GSE1: variants seen among roughly 807,000 people sequenced by gnomAD.
The protein encoded by GSE1 is genetic suppressor element 1.
A neutral mutation model predicts 112.6 loss-of-function variants in GSE1; 32 were observed. That is an observed-to-expected ratio of 0.28 (90% CI 0.21 to 0.38). GSE1 has a LOEUF of 0.38. Ranked by LOEUF, GSE1 falls within the 10% of genes least tolerant of loss-of-function variation. The pLI is 1.00. For missense variants in GSE1, 2,348 were observed against 1,699.2 expected (o/e 1.38, Z -6.71); for synonymous variants, 1,115 against 735.6 (o/e 1.52, Z -8.35).
chr16:85,439,650 G>T (rs1428771332), intron 2 of GSE1, among the ~76,000 whole-genome samples: 2 of 152,258 alleles, frequency 1.3e-5, no homozygotes, highest in East Asian at 3.9e-4. Flanking sequence ...GCCTCGCCTG[G>T]TGAAGACACT....
intron 2 of GSE1, among the ~76,000 whole-genome samples, chr16:85,440,669 C>A (rs1361398460): frequency 1.3e-5 from 2 of 152,234 alleles, no homozygotes; most frequent in Non-Finnish European, 2.9e-5. Flanking sequence ...TCATTCCCTG[C>A]AGCTTTTACT....
chr16:85,605,791 G>A lies in GSE1; in HGVS notation c.38-42761G>A, dbSNP rs149457891. On this transcript the variant is annotated intron_variant, in intron 1 of 2. Coordinates refer to the GSE1 transcript ENST00000635906. ...GTAAGTGGTAGAGAGGGTGCTGCCC[G>A]TAGCGAGCCGGATAAACTGAAGACC... 5.3e-3 allele frequency among the ~76,000 whole-genome samples: 812 copies of A among 152,110 alleles called. 12 individuals carry two copies. The highest frequency in any genetic ancestry group is 0.015 in the African/African-American group (612 of 41,378).
intron 2 of GSE1, among the ~76,000 whole-genome samples, chr16:85,377,006 C>T (rs945766648): frequency 1.3e-5 from 2 of 152,202 alleles, no homozygotes; most frequent in Non-Finnish European, 2.9e-5. Context: ...GTGTGAGTGA[C>T]CCAGGCCTGC....
chr16:85,294,519 T>C (rs999324094), intron 1 of GSE1, among the ~76,000 whole-genome samples: 1 of 152,096 alleles, frequency 6.6e-6, no homozygotes, highest in African/African-American at 2.4e-5. Flanking sequence ...TTGCCTCATG[T>C]TGGTGCCTGA....
chr16:85,443,836 T>C (rs1267956486), intron 2 of GSE1, among the ~76,000 whole-genome samples: 1 of 151,760 alleles, frequency 6.6e-6, no homozygotes, highest in Non-Finnish European at 1.5e-5. Context: ...GAGCTTCAGC[T>C]CCCAGCCCAG....
At chr16:85,485,756 T>A (rs2050815156) in intron 2 of GSE1, among the ~76,000 whole-genome samples, 1 of 152,274 alleles carries the variant, frequency 6.6e-6, no homozygotes, top group Admixed American at 6.5e-5. Flanking sequence ...GCCTCGCTCC[T>A]GGGGAGCCTG....
At chr16:85,259,266 GCCCTGTGCTCCACCCTGGCCCA>G (rs11274739) in intron 1 of GSE1, among the ~76,000 whole-genome samples, 44,209 of 149,600 alleles carry the variant, frequency 0.3, 7,002 homozygotes, top group African/African-American at 0.35. Context: ...CCCCCGTCCT[GCCCTGTGCTCCACCCTGGCCCA>G]CCCTGTGCTC....
At chr16:85,358,765 C>T (rs2151574540) in intron 2 of GSE1, among the ~76,000 whole-genome samples, 1 of 152,288 alleles carries the variant, frequency 6.6e-6, no homozygotes, top group Non-Finnish European at 1.5e-5. Flanking sequence ...CGGTTGAGGT[C>T]AGGGTGGTCA....
At chr16:85,275,724 G>A (rs1013371750) in intron 1 of GSE1, among the ~76,000 whole-genome samples, 3 of 152,226 alleles carry the variant, frequency 2.0e-5, no homozygotes, top group Non-Finnish European at 2.9e-5. Flanking sequence ...AGCCCTCCGC[G>A]TGGGGCCCTG....
In GSE1 at chr16:85,265,864, G is replaced by C. The variant is rs573390654; in HGVS notation, c.2284-91599G>C. On this transcript the variant is annotated intron_variant, in intron 1 of 2. Coordinates refer to the GSE1 transcript ENST00000637419. Reference sequence around the variant, plus strand: ...CAGGGCCAGGGCAGGTGAGGTCCCAGGTCCACGGTCACAGGGCTGGGTGAG... The same window carrying C: ...CAGGGCCAGGGCAGGTGAGGTCCCACGTCCACGGTCACAGGGCTGGGTGAG... 2.6e-5 allele frequency among the ~76,000 whole-genome samples: 4 copies of C among 152,296 alleles called. No individual in the cohort carries two copies. The East Asian group carries it at 7.7e-4, about 29-fold the overall frequency.
At chr16:85,223,452 G>C (rs942174703) in intron 1 of GSE1, among the ~76,000 whole-genome samples, 1 of 151,006 alleles carries the variant, frequency 6.6e-6, no homozygotes, top group Non-Finnish European at 1.5e-5. Context: ...GAACCCGGGA[G>C]GTGGAGGCTG....
At chr16:85,619,665 G>T (rs1567662376) in intron 1 of GSE1, among the ~76,000 whole-genome samples, 1 of 152,220 alleles carries the variant, frequency 6.6e-6, no homozygotes, top group East Asian at 1.9e-4. Flanking sequence ...CTGTATTTCT[G>T]TATCCAGAGG....
upstream of GSE1, among the ~76,000 whole-genome samples, chr16:85,610,577 G>T (rs1345620149): frequency 6.6e-6 from 1 of 152,218 alleles, no homozygotes; most frequent in East Asian, 1.9e-4. Context: ...TAATTTCCGG[G>T]GGCCGGGCGC....
chr16:85,493,015 G>A (rs1163586419), intron 2 of GSE1, among the ~76,000 whole-genome samples: 2 of 152,344 alleles, frequency 1.3e-5, no homozygotes, highest in African/African-American at 4.8e-5. Flanking sequence ...CTCAGAGCTA[G>A]TGCAGGGTAT....
intron 1 of GSE1, among the ~76,000 whole-genome samples, chr16:85,254,373 A>T (rs975394135): frequency 6.6e-6 from 1 of 152,162 alleles, no homozygotes. Flanking sequence ...GGACTGGGAC[A>T]TGTGTTGACC....
rs1167742209 is a variant in GSE1 at position 85,311,979 on chromosome 16, G to C, written c.2284-45484G>C. Among the ~76,000 whole-genome samples the C allele has an allele frequency of 1.3e-5, 2 of 152,158 alleles. No homozygotes were observed. Among genetic ancestry groups the C allele is most frequent in the Non-Finnish European group, 2.9e-5 (2 of 68,034 alleles). On this transcript the variant is annotated intron_variant, in intron 1 of 2. Transcript: ENST00000637419. The surrounding 1 kb of genome is among the most constrained non-coding windows in gnomAD (Gnocchi z 4.2). ...CCACTGTCCTCATGTCTGGAGATGT[G>C]GGCGGTGTCCGTGCACACTGCTGGA...
chr16:85,170,422 G>A (rs2074340719), exon 1 of GSE1: 1 of 985,476 alleles, frequency 1.0e-6, no homozygotes. Flanking sequence ...CTCTGGCAGA[G>A]CCACTAAGAC....
At chr16:85,260,807 C>T (rs1907608285) in intron 1 of GSE1, among the ~76,000 whole-genome samples, 2 of 152,230 alleles carry the variant, frequency 1.3e-5, no homozygotes, top group Admixed American at 6.5e-5. Flanking sequence ...TGGGAGCCCC[C>T]ACCCCTGCAT....
Position 85,653,109 on chromosome 16 carries a change from GAC to G in GSE1, c.427-1167_427-1166del, listed in dbSNP as rs2051513873. Among the ~76,000 whole-genome samples, 4 of 145,968 alleles carry G rather than the reference GAC, an allele frequency of 2.7e-5. No homozygotes were observed. In the South Asian group the frequency reaches 8.8e-4, roughly 32 times the overall value. ...TGGGGCTGAGAACGGCTGCCCCAGT[GAC>G]AGAGTGACGCCTGGGTTGGCAGCCA... On this transcript the variant is annotated intron_variant, in intron 3 of 15. Coordinates refer to ENST00000253458, the MANE Select transcript of GSE1 (RefSeq NM_014615.5).
Sources: allele counts gnomAD v4.1 joint callset (sites outside exome capture counted in the v4.1 genomes callset), GRCh38; gene constraint gnomAD v4.1.1; non-coding constraint Gnocchi (gnomAD v3.1); transcripts MANE v1.5; gene names NCBI Gene and HGNC (gene_info 2026-07-23, HGNC 2026-07-21).